The following UBP1 variants were observed in gnomAD, a reference collection of about 807,000 sequenced individuals.
UBP1 encodes the protein upstream binding protein 1, also known as upstream-binding protein 1.
In UBP1, 22 loss-of-function variants were observed where a neutral mutation model predicts 76.1. The observed-to-expected ratio is 0.29, with a 90% CI of 0.21 to 0.41. The LOEUF (loss-of-function observed/expected upper bound fraction) is 0.41, where lower values mean the gene tolerates loss of function less well. Ranked by LOEUF, UBP1 falls within the 10% of genes least tolerant of loss-of-function variation. UBP1 has a pLI of 1.00. For missense variants in UBP1, 436 were observed against 668.1 expected, an observed-to-expected ratio of 0.65 and a Z score of 3.83; for synonymous variants, 224 against 237.1, an observed-to-expected ratio of 0.94 and a Z score of 0.51.
intron 1 of UBP1, among the ~76,000 whole-genome samples, chr3:33,434,682 C>CTTTTTTTTTTTTTTTTT: frequency 1.1e-5 from 1 of 87,702 alleles, no homozygotes; most frequent in Non-Finnish European, 2.2e-5. Flanking sequence ...AATGGTTTTA[C>CTTTTTTTTTTTTTTTTT]TTTTTTTTTT....
At chr3:33,431,443 C>G (rs1050331126) in intron 1 of UBP1, among the ~76,000 whole-genome samples, 2 of 152,064 alleles carry the variant, frequency 1.3e-5, no homozygotes, top group Admixed American at 6.6e-5. Context: ...GCCAGTACAG[C>G]ATATGAAAGT....
chr3:33,422,542 G>C (rs945736069), intron 2 of UBP1, among the ~76,000 whole-genome samples: 2 of 151,996 alleles, frequency 1.3e-5, no homozygotes, highest in Non-Finnish European at 2.9e-5. Context: ...TGAATAGTGA[G>C]ATCCGCCATC....
At chr3:33,434,662 A>T (rs1286295273) in intron 1 of UBP1, among the ~76,000 whole-genome samples, 4 of 142,844 alleles carry the variant, frequency 2.8e-5, no homozygotes, top group East Asian at 4.2e-4. Flanking sequence ...TTACACAATT[A>T]TGGGGTAAGA....
intron 3 of UBP1, among the ~76,000 whole-genome samples, chr3:33,414,608 GA>G (rs1335394298): frequency 6.6e-6 from 1 of 152,126 alleles, no homozygotes; most frequent in Non-Finnish European, 1.5e-5. Flanking sequence ...TAAAACTCTA[GA>G]AATTTGAAGC....
intron 2 of UBP1, among the ~76,000 whole-genome samples, chr3:33,418,877 A>C (rs2044806613): frequency 6.6e-6 from 1 of 151,716 alleles, no homozygotes; most frequent in Non-Finnish European, 1.5e-5. Flanking sequence ...AAAAAAAAAA[A>C]AAAAAAATTG....
intron 9 of UBP1, among the ~76,000 whole-genome samples, chr3:33,401,550 AAAATG>A (rs2044229814): frequency 6.6e-6 from 1 of 152,244 alleles, no homozygotes; most frequent in South Asian, 2.1e-4. Flanking sequence ...GCTTCTAAGT[AAAATG>A]AAATGAAAAA....
intron 1 of UBP1, among the ~76,000 whole-genome samples, chr3:33,436,855 C>T (rs1334036140): frequency 6.6e-6 from 1 of 152,144 alleles, no homozygotes; most frequent in Non-Finnish European, 1.5e-5. Context: ...TCTGTTTAAG[C>T]CAATCACTTT....
At chr3:33,441,138 C>T (rs1362617625), upstream of UBP1, 1 of 152,318 alleles carries the variant, frequency 6.6e-6, no homozygotes, top group Non-Finnish European at 1.5e-5. Context: ...ACAGTAACAG[C>T]TACGCTGCTC....
At chr3:33,403,287 T>C in intron 8 of UBP1, 1 of 245,962 alleles carries the variant, frequency 4.1e-6, no homozygotes, top group Non-Finnish European at 8.0e-6. Context: ...AGAAAGGATT[T>C]ATAAGCAACA....
chr3:33,396,180 C>A lies in UBP1; in HGVS notation c.1372G>T (p.Gly458Cys). The A allele has an allele frequency of 1.3e-6, 2 of 1,582,656 alleles. No individual in the cohort carries two copies. The highest frequency in any genetic ancestry group is 1.7e-6 in the Non-Finnish European group (2 of 1,155,288). ...TACCTACCATAGGGTGCCCCACTGC[C>A]ATTCTCGCTTGCACTGCTTGCAGCT... ...QQAASSASEN[G>C]SGAPYVYHAI... The change falls in exon 13 of 16, where the codon GGC becomes TGC. Residue 458 changes from glycine to cysteine, a missense_variant. Physicochemically the swap from Gly to Cys is radical, Grantham distance 159. Coordinates refer to ENST00000283629, the MANE Select transcript of UBP1 (RefSeq NM_014517.5).
chr3:33,389,224 T>C lies in UBP1; in HGVS notation c.*1107A>G, dbSNP rs1399012117. 6.6e-6 allele frequency: 1 copy of C among 152,642 alleles called. No individual in the cohort carries two copies. Among genetic ancestry groups the C allele is most frequent in the African/African-American group, 2.4e-5 (1 of 41,448 alleles). 9.5% of individuals were successfully genotyped at this position (152,642 alleles called of 1,614,324 possible). A position where few individuals can be genotyped will look rare whatever the true frequency, so the allele number is the denominator to read the frequency against. ...TGGTGTATAAAAAGCCCCTAAATCA[T>C]CACCAGAATGTCTATCCATGATTGT... On this transcript the variant is annotated 3_prime_UTR_variant, in exon 16 of 16. Coordinates refer to ENST00000283629, the MANE Select transcript of UBP1 (RefSeq NM_014517.5).
chr3:33,396,267 G>A lies in UBP1; in HGVS notation c.1285C>T (p.Arg429Cys), dbSNP rs1202750694. 3.8e-6 allele frequency: 6 copies of A among 1,578,666 alleles called. No individual in the cohort carries two copies. The highest frequency in any genetic ancestry group is 2.3e-5 in the East Asian group (1 of 44,068). The change falls in exon 13 of 16, where the codon CGT becomes TGT. Residue 429 changes from arginine to cysteine, a missense_variant. Arg to Cys is a radical substitution (Grantham distance 180). Around this residue, in one of 3 missense-constraint regions of UBP1, gnomAD observed 210 missense variants for 272.8 expected, o/e 0.77. Coordinates refer to ENST00000283629, the MANE Select transcript of UBP1 (RefSeq NM_014517.5). ...TCCCGGCAGACATAGATGGTTAAAC[G>A]GGGTCTAACCGACCTGCAATCAGAA... ...NSLKSRSVRP[R>C]LTIYVCREQP...
At position 33,425,650 on chromosome 3, in the gene UBP1, A is replaced by G; in HGVS notation, c.205T>C (p.Cys69Arg). The G allele has an allele frequency of 6.2e-7, 1 of 1,603,250 alleles. No individual in the cohort carries two copies. The highest frequency in any genetic ancestry group is 8.5e-7 in the Non-Finnish European group (1 of 1,171,658). The change falls in exon 2 of 16, where the codon TGT (cysteine) becomes CGT (arginine). Residue 69 changes from cysteine to arginine, a missense_variant. By Grantham distance (180) the Cys-to-Arg change is radical. Around this residue, in one of 3 missense-constraint regions of UBP1, gnomAD observed 161 missense variants for 237.9 expected, o/e 0.68. Transcript: ENST00000283629. ...TTTACTGCTGGTGACGTTGCAGCAC[A>G]CATCACATACTGAAAGGGTGGGTGC... ...TEHPPFQYVM[C>R]AATSPAVKLH... is the part of the protein sequence containing the mutation.
At chr3:33,439,693 C>G (rs1478312255) in intron 1 of UBP1, 43 bp downstream of exon 1, 2 of 1,600,596 alleles carry the variant, frequency 1.2e-6, no homozygotes, top group African/African-American at 2.7e-5. Context: ...GCAGGCCTTC[C>G]CCAAGGAGAC....
At chr3:33,415,032 G>A (rs971586847) in intron 3 of UBP1, among the ~76,000 whole-genome samples, 1 of 152,134 alleles carries the variant, frequency 6.6e-6, no homozygotes, top group South Asian at 2.1e-4. Context: ...TATATTAAAT[G>A]TTTTTACATG....
chr3:33,423,328 C>A (rs2044950719), intron 2 of UBP1, among the ~76,000 whole-genome samples: 1 of 151,170 alleles, frequency 6.6e-6, no homozygotes, highest in African/African-American at 2.4e-5. Flanking sequence ...CGTGAGCCAT[C>A]GTGCCCGGCC....
chr3:33,418,365 CT>C (rs1202243576), intron 2 of UBP1, among the ~76,000 whole-genome samples: 1 of 152,006 alleles, frequency 6.6e-6, no homozygotes, highest in East Asian at 2.0e-4. Context: ...GCAATTCTCC[CT>C]GCCTTGGACT....
At chr3:33,422,060 T>C (rs1559687968) in intron 2 of UBP1, among the ~76,000 whole-genome samples, 1 of 151,916 alleles carries the variant, frequency 6.6e-6, no homozygotes, top group Non-Finnish European at 1.5e-5. Flanking sequence ...AAATAAATAA[T>C]AAAATTAAAA....
intron 1 of UBP1, among the ~76,000 whole-genome samples, chr3:33,437,857 T>C (rs545064141): frequency 1.3e-5 from 2 of 152,286 alleles, no homozygotes; most frequent in Admixed American, 1.3e-4. Context: ...TTTCCTTAGT[T>C]TGAGAATTTC....
Sources: allele counts gnomAD v4.1 joint callset (sites outside exome capture counted in the v4.1 genomes callset), GRCh38; gene constraint gnomAD v4.1.1; regional missense constraint gnomAD v4.1.1; transcripts MANE v1.5; gene names NCBI Gene and HGNC (gene_info 2026-07-23, HGNC 2026-07-21).